SPTBN5: variants seen among roughly 807,000 people sequenced by gnomAD.
SPTBN5 encodes spectrin beta chain, non-erythrocytic 5.
Under a neutral mutation model 477.6 loss-of-function variants are expected in SPTBN5, and 513 were observed. The observed-to-expected ratio is 1.07, with a 90% CI of 1.00 to 1.16. SPTBN5 has a LOEUF of 1.16. SPTBN5 is among the 50% of genes most tolerant of loss of function. SPTBN5 has a pLI of 0.00. For missense variants in SPTBN5, 5,062 were observed against 4,731.8 expected (o/e 1.07, Z -2.05); for synonymous variants, 2,169 against 2,011.7 (o/e 1.08, Z -2.09).
chr15:41,850,099 G>A, intron 66 of SPTBN5, 140 bp from the exon 67 acceptor site: 1 of 713,394 alleles, frequency 1.4e-6, no homozygotes, highest in Non-Finnish European at 2.4e-6. Context: ...CCCACGTGGG[G>A]GTGTGGGGCG....
At chr15:41,877,538 T>A (rs562935059) in intron 17 of SPTBN5, among the ~76,000 whole-genome samples, 182 bp from the exon 18 acceptor site, 16 of 152,300 alleles carry the variant, frequency 1.1e-4, no homozygotes, top group Non-Finnish European at 2.2e-4. Context: ...CGGCCGTCCT[T>A]AAGTGTGGAC....
chr15:41,855,362 C>T lies in SPTBN5; in HGVS notation c.9285G>A (p.Glu3095=), dbSNP rs772011879. ...GCTCCTGCAGGCCGTGCCCCCTGGC[C>T]TCCGCCCTCCGCAGCAGCTCTGCGT... ...EAHAELLRRA[E]ARGHGLQEQL... Residue 3095 remains glutamate (E), a synonymous_variant, in exon 55 of 68, where the codon GAG becomes GAA. Coordinates refer to ENST00000320955, the MANE Select transcript of SPTBN5 (RefSeq NM_016642.4). 12 of 1,605,164 alleles carry T rather than the reference C, an allele frequency of 7.5e-6. No homozygotes were observed. The highest frequency in any genetic ancestry group is 8.5e-6 in the Non-Finnish European group (10 of 1,179,600).
chr15:41,885,905 GTCTAGCA>G lies in SPTBN5; in HGVS notation c.1343_1349del (p.Val448AlafsTer87), dbSNP rs1350139233. On this transcript the variant is annotated frameshift_variant, in exon 7 of 68. Coordinates refer to ENST00000320955, the MANE Select transcript of SPTBN5 (RefSeq NM_016642.4). LOFTEE classifies it high-confidence loss of function. ...GGCTGGCTGGCGGGGCTCTGGCCTG[GTCTAGCA>G]CCTGCTCTGCATCCTTAAGGAAACT... 1 of 1,584,678 alleles carries G rather than the reference GTCTAGCA, an allele frequency of 6.3e-7. No individual in the cohort carries two copies. The highest frequency in any genetic ancestry group is 1.3e-5 in the African/African-American group (1 of 74,294).
chr15:41,882,395 G>A lies in SPTBN5; in HGVS notation c.2121C>T (p.Ala707=). ...GATCCGGCTGCGTTGGGGGCCTGCG[G>A]GCGCTGAGGTCGCGTCCCCTCCGCA... ...DLVRRGRDLS[A]RRPPTQPDPG... The change falls in exon 11 of 68, where the codon GCC becomes GCT. Residue 707 remains alanine, a synonymous_variant. Coordinates refer to ENST00000320955, the MANE Select transcript of SPTBN5 (RefSeq NM_016642.4). 6.5e-7 allele frequency: 1 copy of A among 1,539,294 alleles called. No individual in the cohort carries two copies. The highest frequency in any genetic ancestry group is 1.4e-5 in the African/African-American group (1 of 73,270).
chr15:41,874,497 G>A lies in SPTBN5; in HGVS notation c.4503-19C>T, dbSNP rs762021520. On this transcript the variant is annotated intron_variant, in intron 23 of 67. Transcript: ENST00000320955. Reference sequence around the variant, plus strand: ...CTCCAGCCTAGGAGGAGGAGGAAGAGATTGGAGAGGTTGGGAACAGAGTGA... The same window carrying A: ...CTCCAGCCTAGGAGGAGGAGGAAGAAATTGGAGAGGTTGGGAACAGAGTGA... 2.0e-4 allele frequency: 322 copies of A among 1,583,010 alleles called. 1 individual carries two copies. Among genetic ancestry groups the A allele is most frequent in the Middle Eastern group, 1.5e-3 (7 of 4,600 alleles).
intron 21 of SPTBN5, 137 bp from the exon 22 acceptor site, chr15:41,875,759 A>C: frequency 1.1e-6 from 1 of 926,636 alleles, no homozygotes; most frequent in Non-Finnish European, 1.6e-6. Context: ...GGAAGAAAGC[A>C]GTTCATGTGG....
chr15:41,853,776 T>C lies in SPTBN5; in HGVS notation c.9786A>G (p.Glu3262=). Reference sequence around the variant, plus strand: ...GCCGTGCCACCTCCTTCTCCATAGCTTCCAGCTCTCTCTGCAACCAGAGCA... The same window carrying C: ...GCCGTGCCACCTCCTTCTCCATAGCCTCCAGCTCTCTCTGCAACCAGAGCA... ...QQHRRLEREL[E]AMEKEVARLQ... Residue 3262 remains glutamate, a synonymous_variant, in exon 58 of 68, where the codon GAA becomes GAG. Coordinates refer to ENST00000320955, the MANE Select transcript of SPTBN5 (RefSeq NM_016642.4). 6.4e-7 allele frequency: 1 copy of C among 1,566,448 alleles called. No homozygotes were observed. The highest frequency in any genetic ancestry group is 8.7e-7 in the Non-Finnish European group (1 of 1,155,454).
rs141071633 is a variant in SPTBN5, at chr15:41,857,406, G to A, written c.8453C>T (p.Ala2818Val). Residue 2818 changes from alanine (A) to valine (V), a missense_variant, in exon 51 of 68, where the codon GCC becomes GTC. Ala to Val is a moderately conservative substitution (Grantham distance 64). Coordinates refer to ENST00000320955, the MANE Select transcript of SPTBN5 (RefSeq NM_016642.4). ...VELRAPTVGQ[A>V]LPGVGELLGT... is the part of the protein sequence containing the mutation. The stretch of plus-strand genomic sequence containing the variant: ...CAGGAGCTCGCCCACCCCAGGCAGG[G>A]CCTGGCCCACAGTGGGGGCTCTCAG... The A allele has an allele frequency of 5.6e-6, 9 of 1,595,218 alleles. No homozygotes were observed. The Admixed American group carries it at 1.4e-4, about 25-fold the overall frequency.
Position 41,862,583 on chromosome 15 carries a change from C to A in SPTBN5, c.7341G>T (p.Glu2447Asp). 6.4e-7 allele frequency: 1 copy of A among 1,558,818 alleles called. No individual in the cohort carries two copies. The part of the protein sequence containing the change: ...AAHGLRHRQQ[E>D]VAESWWQLRS... Reference sequence around the variant, plus strand: ...GGAGCTGCCACCAGCTCTCAGCCACCTCCTGCTGCCTGTGCCTGAGGCCGT... The same window carrying A: ...GGAGCTGCCACCAGCTCTCAGCCACATCCTGCTGCCTGTGCCTGAGGCCGT... The change falls in exon 43 of 68, where the codon GAG (glutamate) becomes GAT (aspartate). Residue 2447 changes from glutamate (E) to aspartate (D), a missense_variant. Coordinates refer to ENST00000320955, the MANE Select transcript of SPTBN5 (RefSeq NM_016642.4).
Position 41,848,628 on chromosome 15 carries a change from C to A in SPTBN5, c.11013G>T (p.Arg3671Ser), listed in dbSNP as rs1184062486. ...ACTGGGGTTCACCTCAGGGATCAGA[C>A]CTGTTGGGAAAACGGAATGAATTTA... Reference protein sequence around the residue: ...TKDARPGCLLRSDP With the variant: ...TKDARPGCLLSSDP The change falls in exon 68 of 68, where the codon AGG becomes AGT. Residue 3671 changes from arginine (R) to serine (S), a missense_variant and splice_region_variant. By Grantham distance (110) the Arg-to-Ser change is moderately radical. Coordinates refer to ENST00000320955, the MANE Select transcript of SPTBN5 (RefSeq NM_016642.4). 2 of 1,613,798 alleles carry A rather than the reference C, an allele frequency of 1.2e-6. No individual in the cohort carries two copies. The highest frequency in any genetic ancestry group is 1.7e-6 in the Non-Finnish European group (2 of 1,179,852).
rs774393676 is a variant in SPTBN5, at chr15:41,880,189, T to C, written c.2782A>G (p.Thr928Ala). The change falls in exon 14 of 68, where the codon ACC becomes GCC. Residue 928 changes from threonine (T) to alanine (A), a missense_variant. Physicochemically the swap from Thr to Ala is moderately conservative, Grantham distance 58. Coordinates refer to ENST00000320955, the MANE Select transcript of SPTBN5 (RefSeq NM_016642.4). ...LLQRVQPQADTLEVMQLKYEN... is the reference protein window; with the variant it reads ...LLQRVQPQADALEVMQLKYEN... ...TATTTGAGCTGCATGACCTCCAGGG[T>C]GTCAGCCTGGGGCTGCACCCTTTGG... 6.2e-7 allele frequency: 1 copy of C among 1,605,296 alleles called. No homozygotes were observed. Among genetic ancestry groups the C allele is most frequent in the Non-Finnish European group, 8.5e-7 (1 of 1,176,646 alleles).
Position 41,890,106 on chromosome 15 carries a change from G to C in SPTBN5, c.484C>G (p.His162Asp). The change falls in exon 4 of 68, where the codon CAC becomes GAC. Residue 162 changes from histidine to aspartate, a missense_variant. Coordinates refer to ENST00000320955, the MANE Select transcript of SPTBN5 (RefSeq NM_016642.4). Reference sequence around the variant, plus strand: ...AGCCATACCTTGTCCAAGGAGATGTGGGAGATCTGGAAACGCAGAATGATG... The same window carrying C: ...AGCCATACCTTGTCCAAGGAGATGTCGGAGATCTGGAAACGCAGAATGATG... The part of the protein sequence containing the change: ...WVIILRFQIS[H>D]ISLDKEEFGA... The C allele has an allele frequency of 1.9e-6, 3 of 1,611,036 alleles. No homozygotes were observed. Among genetic ancestry groups the C allele is most frequent in the Non-Finnish European group, 2.5e-6 (3 of 1,178,302 alleles).
In SPTBN5 at chr15:41,874,058, G is replaced by C; in HGVS notation, c.4690-13C>G. ...CCACCTGGAGCTCCTGCCACAGAGT[G>C]GCTTGAGAGGCTGCTGCTCTTAACC... On this transcript the variant is annotated splice_polypyrimidine_tract_variant and intron_variant, in intron 24 of 67. Coordinates refer to ENST00000320955, the MANE Select transcript of SPTBN5 (RefSeq NM_016642.4). 6.3e-7 allele frequency: 1 copy of C among 1,575,524 alleles called. No individual in the cohort carries two copies. The highest frequency in any genetic ancestry group is 1.3e-5 in the African/African-American group (1 of 74,486).
chr15:41,882,277 CCAGCAGGGCTGTCTG>C lies in SPTBN5; in HGVS notation c.2224_2238del (p.Gln742_Leu746del). On this transcript the variant is annotated inframe_deletion, in exon 11 of 68. Transcript: ENST00000320955. ...CCACCCCTCCCCACTACCTGCAGGA[CCAGCAGGGCTGTCTG>C]CAGCCGTGCGCCCCGCCCCACCACC... The C allele has an allele frequency of 1.3e-6, 2 of 1,482,916 alleles. No individual in the cohort carries two copies. Among genetic ancestry groups the C allele is most frequent in the Non-Finnish European group, 1.8e-6 (2 of 1,116,094 alleles). 91.9% of individuals were successfully genotyped at this position (1,482,916 alleles called of 1,614,324 possible).
chr15:41,865,765 T>C (rs1244086175), intron 39 of SPTBN5, 43 bp downstream of exon 39: 7 of 1,503,138 alleles, frequency 4.7e-6, no homozygotes, highest in East Asian at 2.5e-5. Flanking sequence ...GGATTTTCAG[T>C]GCGGGATGCA....
Position 41,861,718 on chromosome 15 carries a change from G to T in SPTBN5, c.7737+17C>A. 1 of 1,533,732 alleles carries T rather than the reference G, an allele frequency of 6.5e-7. No homozygotes were observed. Among genetic ancestry groups the T allele is most frequent in the Non-Finnish European group, 8.7e-7 (1 of 1,143,034 alleles). ...TCGGGGGGGCAAGATGCAGGCTGGG[G>T]ATGGGACTGTGCCTGCCTGTAGCTC... On this transcript the variant is annotated intron_variant, in intron 45 of 67. Coordinates refer to ENST00000320955, the MANE Select transcript of SPTBN5 (RefSeq NM_016642.4).
chr15:41,848,798 C>T (rs972617458), intron 67 of SPTBN5, among the ~76,000 whole-genome samples, 170 bp from the exon 68 acceptor site: 6 of 152,196 alleles, frequency 3.9e-5, no homozygotes, highest in South Asian at 2.1e-4. Flanking sequence ...ACCACAGTGA[C>T]GCGTGAGTGG....
rs779133339 is a variant in SPTBN5 at position 41,862,610 on chromosome 15, G to A, written c.7314C>T (p.Ala2438=). Residue 2438 remains alanine, a synonymous_variant, in exon 43 of 68, where the codon GCC becomes GCT. Transcript: ENST00000320955. The part of the protein sequence containing the change: ...GRLCQRSPEA[A]HGLRHRQQEV... ...CCTGCTGCCTGTGCCTGAGGCCGTG[G>A]GCTGCCTCGGGGCTTCTTTGGCAGA... 6.4e-6 allele frequency: 10 copies of A among 1,558,028 alleles called. 1 individual carries two copies. The South Asian group carries it at 1.1e-4, about 17-fold the overall frequency.
rs1461193135 is a variant in SPTBN5 at position 41,871,459 on chromosome 15, G to A, written c.5363C>T (p.Ala1788Val). 1.3e-6 allele frequency: 2 copies of A among 1,538,580 alleles called. No homozygotes were observed. Among genetic ancestry groups the A allele is most frequent in the East Asian group, 2.5e-5 (1 of 40,146 alleles). The change falls in exon 29 of 68, where the codon GCC becomes GTC. Residue 1788 changes from alanine (A) to valine (V), a missense_variant. Physicochemically the swap from Ala to Val is moderately conservative, Grantham distance 64. Coordinates refer to ENST00000320955, the MANE Select transcript of SPTBN5 (RefSeq NM_016642.4). ...HQVEMGSQRV[A>V]ACRLLAESLL... Reference sequence around the variant, plus strand: ...GCTCTCCGCCAGCAGCCGGCAGGCGGCCACCCGCTGGCTGCCCATCTCCAC... The same window carrying A: ...GCTCTCCGCCAGCAGCCGGCAGGCGACCACCCGCTGGCTGCCCATCTCCAC...
Sources: allele counts gnomAD v4.1 joint callset (sites outside exome capture counted in the v4.1 genomes callset), GRCh38; gene constraint gnomAD v4.1.1; transcripts MANE v1.5; gene names NCBI Gene and HGNC (gene_info 2026-07-23, HGNC 2026-07-21).